Variants in KCNB2 observed in about 807,000 individuals in gnomAD.
KCNB2 encodes delayed rectifier potassium channel protein.
A neutral mutation model predicts 61.5 loss-of-function variants in KCNB2; 15 were observed. The ratio of observed to expected loss-of-function variants is 0.24; its 90% CI spans 0.16 to 0.38. The LOEUF (loss-of-function observed/expected upper bound fraction) is 0.38. Among genes scored for constraint, KCNB2 ranks in the 10% least tolerant of loss-of-function variants. The pLI, the probability that KCNB2 is intolerant of heterozygous loss-of-function variation, is 1.00. For missense variants in KCNB2, 828 were observed against 1,125.2 expected, an observed-to-expected ratio of 0.74 and a Z score of 3.78; for synonymous variants, 457 against 446.0, an observed-to-expected ratio of 1.02 and a Z score of -0.31.
intron 2 of KCNB2, among the ~76,000 whole-genome samples, chr8:72,867,981 T>G (rs539355428): frequency 2.4e-4 from 36 of 152,004 alleles, no homozygotes; most frequent in Non-Finnish European, 5.0e-4. Context: ...TTTGAAATGA[T>G]TGGTAAACAT....
chr8:72,757,855 G>T (rs1368652665), intron 2 of KCNB2, among the ~76,000 whole-genome samples: 1 of 152,194 alleles, frequency 6.6e-6, no homozygotes, highest in Non-Finnish European at 1.5e-5. Flanking sequence ...CCCAAGAAGT[G>T]CTGAGCTTCA....
At chr8:72,867,151 C>T (rs1805533795) in intron 2 of KCNB2, among the ~76,000 whole-genome samples, 1 of 152,122 alleles carries the variant, frequency 6.6e-6, no homozygotes. Flanking sequence ...ACTGTCCATC[C>T]CTTTATAACC....
chr8:72,843,248 G>C (rs1320327450), intron 2 of KCNB2, among the ~76,000 whole-genome samples: 1 of 152,182 alleles, frequency 6.6e-6, no homozygotes. Context: ...GTGAGCTTTT[G>C]AGTGAGTTTC....
At chr8:72,709,875 G>A (rs573977116) in intron 2 of KCNB2, among the ~76,000 whole-genome samples, 10 of 152,250 alleles carry the variant, frequency 6.6e-5, no homozygotes, top group East Asian at 5.8e-4. Flanking sequence ...CTATGTACCC[G>A]AATGTACAGA....
rs771065845 is a variant in KCNB2, at chr8:72,936,017, C to T, written c.662C>T (p.Thr221Met). Residue 221 changes from threonine to methionine, a missense_variant, in exon 3 of 3, where the codon ACG becomes ATG. Physicochemically the swap from Thr to Met is moderately conservative, Grantham distance 81. Transcript: ENST00000523207. This position sits in a 1 kb window ranked among gnomAD's most constrained non-coding sequence, Gnocchi z 5.6. ...AATACGCTGCCGGAGCTGCAGGAAA[C>T]GGACGAATTTGGACAACTCAATGAC... ...SLNTLPELQE[T>M]DEFGQLNDNR... is the part of the protein sequence containing the mutation. 3.0e-5 allele frequency: 49 copies of T among 1,614,074 alleles called. No homozygotes were observed. The highest frequency in any genetic ancestry group is 6.7e-5 in the Admixed American group (4 of 60,000).
intron 2 of KCNB2, among the ~76,000 whole-genome samples, chr8:72,703,931 T>C (rs1021273536): frequency 6.6e-6 from 1 of 152,208 alleles, no homozygotes; most frequent in African/African-American, 2.4e-5. Flanking sequence ...TAGTAGTATG[T>C]TGCCTTTGAT....
intron 2 of KCNB2, among the ~76,000 whole-genome samples, chr8:72,755,768 G>A (rs1178205619): frequency 6.6e-6 from 1 of 152,142 alleles, no homozygotes. Context: ...CAACTGTTTT[G>A]GCTTTCTTAA....
rs547085153 is a variant in KCNB2, at chr8:72,861,878, AGTT to A, written c.580-74053_580-74051del. Among the ~76,000 whole-genome samples, 129 of 152,268 alleles carry A rather than the reference AGTT, an allele frequency of 8.5e-4. 1 individual carries two copies. Among genetic ancestry groups the A allele is most frequent in the African/African-American group, 3.0e-3 (125 of 41,536 alleles). On this transcript the variant is annotated intron_variant, in intron 2 of 2. Coordinates refer to ENST00000523207, the MANE Select transcript of KCNB2 (RefSeq NM_004770.3). ...TGTGGCCAAAGACTTTCTTTATCAG[AGTT>A]GTTACCAAGGCCAGGTGCAGTGGCG...
chr8:72,870,143 C>T (rs1429193631), intron 2 of KCNB2, among the ~76,000 whole-genome samples: 1 of 152,220 alleles, frequency 6.6e-6, no homozygotes, highest in East Asian at 1.9e-4. Flanking sequence ...AGAGTAGTCA[C>T]ATTCATAGAG....
chr8:72,634,780 T>A (rs749471490), intron 2 of KCNB2, among the ~76,000 whole-genome samples: 5 of 152,186 alleles, frequency 3.3e-5, no homozygotes, highest in Non-Finnish European at 7.4e-5. Context: ...GATGACAAGA[T>A]TAGCATAAGA....
intron 2 of KCNB2, among the ~76,000 whole-genome samples, chr8:72,594,576 A>G (rs1807156246): frequency 6.6e-6 from 1 of 152,174 alleles, no homozygotes; most frequent in African/African-American, 2.4e-5. Context: ...TGTTTTGGTA[A>G]TGACCAAAAT....
intron 1 of KCNB2, among the ~76,000 whole-genome samples, chr8:72,540,179 A>G (rs1264825789): frequency 6.6e-6 from 1 of 152,214 alleles, no homozygotes; most frequent in Admixed American, 6.5e-5. Context: ...TAGGAAACCT[A>G]TAAGATATAT....
At chr8:72,567,310 C>CA (rs1004979508) in intron 1 of KCNB2, among the ~76,000 whole-genome samples, 32 of 151,338 alleles carry the variant, frequency 2.1e-4, no homozygotes, top group Middle Eastern at 3.4e-3. Context: ...AGACCTGTCT[C>CA]AAAAAAAAGA....
intron 2 of KCNB2, among the ~76,000 whole-genome samples, chr8:72,702,352 A>G (rs1294506426): frequency 6.6e-6 from 1 of 152,144 alleles, no homozygotes; most frequent in Non-Finnish European, 1.5e-5. Flanking sequence ...GGAGTTTCTG[A>G]ACATGAGCAG....
chr8:72,928,681 GACACACACAC>G (rs10606839), intron 2 of KCNB2, among the ~76,000 whole-genome samples: 6,967 of 143,800 alleles, frequency 0.048, 524 homozygotes, highest in African/African-American at 0.17. Flanking sequence ...CACACACACA[GACACACACAC>G]ACACACACAC....
intron 1 of KCNB2, among the ~76,000 whole-genome samples, chr8:72,552,389 C>T (rs1052584731): frequency 6.6e-6 from 1 of 152,120 alleles, no homozygotes; most frequent in African/African-American, 2.4e-5. Context: ...TAGTCACTAG[C>T]CACATGAGCT....
intron 2 of KCNB2, among the ~76,000 whole-genome samples, chr8:72,911,246 C>T (rs1358533833): frequency 6.6e-6 from 1 of 152,180 alleles, no homozygotes; most frequent in Non-Finnish European, 1.5e-5. Context: ...TGAAAGCAGC[C>T]TTGCCTTCCC....
chr8:72,671,213 A>G (rs1281615862), intron 2 of KCNB2, among the ~76,000 whole-genome samples: 1 of 152,186 alleles, frequency 6.6e-6, no homozygotes, highest in Admixed American at 6.6e-5. Context: ...TGTCTTGCAC[A>G]AAGGCAATGC....
At chr8:72,708,685 C>G (rs2128991631) in intron 2 of KCNB2, among the ~76,000 whole-genome samples, 1 of 152,314 alleles carries the variant, frequency 6.6e-6, no homozygotes, top group East Asian at 1.9e-4. Context: ...GTTCCTCACT[C>G]CCCTCAGCCA....
Sources: allele counts gnomAD v4.1 joint callset (sites outside exome capture counted in the v4.1 genomes callset), GRCh38; gene constraint gnomAD v4.1.1; non-coding constraint Gnocchi (gnomAD v3.1); transcripts MANE v1.5; gene names NCBI Gene and HGNC (gene_info 2026-07-23, HGNC 2026-07-21).